Variants in ATAD2 observed in about 807,000 individuals in gnomAD.
ATAD2 encodes the protein ATPase family AAA domain-containing protein 2.
Under a neutral mutation model 168.9 loss-of-function variants are expected in ATAD2, and 62 were observed. The observed-to-expected ratio is 0.37, with a 90% CI of 0.30 to 0.45. The LOEUF is 0.45. ATAD2 is among the 20% of genes least tolerant of loss of function. The pLI, the probability that ATAD2 is intolerant of heterozygous loss-of-function variation, is 1.00. For missense variants in ATAD2, 1,419 were observed against 1,667.8 expected, an observed-to-expected ratio of 0.85 and a Z score of 2.60; for synonymous variants, 613 against 571.6, an observed-to-expected ratio of 1.07 and a Z score of -1.03.
chr8:123,359,796 C>T (rs951459416), intron 9 of ATAD2, 111 bp from the exon 10 acceptor site: 36 of 710,330 alleles, frequency 5.1e-5, no homozygotes, highest in South Asian at 2.1e-4. Flanking sequence ...AAATTTCAAC[C>T]GGAGCAATCT....
At chr8:123,389,028 G>A (rs1240733038) in intron 1 of ATAD2, among the ~76,000 whole-genome samples, 4 of 149,088 alleles carry the variant, frequency 2.7e-5, no homozygotes, top group Admixed American at 6.7e-5. Flanking sequence ...GTGCAGTGGC[G>A]CGATCTTGGC....
intron 2 of ATAD2, among the ~76,000 whole-genome samples, chr8:123,373,225 CG>C (rs369495632): frequency 2.7e-5 from 4 of 149,324 alleles, no homozygotes; most frequent in Non-Finnish European, 4.5e-5. Flanking sequence ...AGAGATGGGG[CG>C]GGGGGGGTCT....
chr8:123,347,279 T>C lies in ATAD2; in HGVS notation c.2025A>G (p.Ser675=). 1 of 1,614,084 alleles carries C rather than the reference T, an allele frequency of 6.2e-7. No homozygotes were observed. Among genetic ancestry groups the C allele is most frequent in the Non-Finnish European group, 8.5e-7 (1 of 1,180,024 alleles). ...LQLDLSSINI[S]AKDFEVAMQK... is the part of the protein sequence containing the mutation. ...GCATAGCTACCTCGAAATCCTTAGC[T>C]GAGATATTAATTGAAGAGAGATCCA... Residue 675 remains serine (S), a synonymous_variant, in exon 16 of 28, where the codon TCA becomes TCG. Transcript: ENST00000287394.
intron 1 of ATAD2, among the ~76,000 whole-genome samples, chr8:123,394,078 G>A (rs892088477): frequency 6.6e-6 from 1 of 151,038 alleles, no homozygotes; most frequent in Non-Finnish European, 1.5e-5. Flanking sequence ...AACAACCTAA[G>A]GTTTTTTTTC....
upstream of ATAD2, among the ~76,000 whole-genome samples, chr8:123,398,333 C>T (rs1812950002): frequency 6.8e-6 from 1 of 148,090 alleles, no homozygotes; most frequent in South Asian, 2.1e-4. Flanking sequence ...CGGGTTCAAG[C>T]GATTGTCCTG....
At chr8:123,412,549 C>T (rs1262906041) in intron 1 of ATAD2, among the ~76,000 whole-genome samples, 1 of 152,126 alleles carries the variant, frequency 6.6e-6, no homozygotes, top group Non-Finnish European at 1.5e-5. Context: ...TCTTTTGCTT[C>T]AGCCTCCTGG....
At chr8:123,350,874 G>C (rs1175200335) in intron 13 of ATAD2, among the ~76,000 whole-genome samples, 1 of 151,760 alleles carries the variant, frequency 6.6e-6, no homozygotes, top group East Asian at 1.9e-4. Flanking sequence ...ACAGGCGCCC[G>C]CTACCATGCC....
chr8:123,346,386 A>G (rs1828243275), intron 17 of ATAD2, 114 bp from the exon 18 acceptor site: 2 of 1,083,450 alleles, frequency 1.8e-6, no homozygotes, highest in East Asian at 5.4e-5. Context: ...AAGGCCAACC[A>G]ATCATAACAT....
At chr8:123,353,523 T>A (rs890548281) in intron 13 of ATAD2, among the ~76,000 whole-genome samples, 1 of 152,170 alleles carries the variant, frequency 6.6e-6, no homozygotes, top group African/African-American at 2.4e-5. Flanking sequence ...CAGTGAGAGA[T>A]CCCTCAAAAT....
rs770540331 is a variant in ATAD2, at chr8:123,346,112, T to C, written c.2506A>G (p.Thr836Ala). The C allele has an allele frequency of 8.9e-6, 14 of 1,576,402 alleles. No homozygotes were observed. The highest frequency in any genetic ancestry group is 1.2e-5 in the Non-Finnish European group (14 of 1,164,570). ...DIPVLFGVST[T>A]SPEETCAQVI... ...TGGGCACATGTTTCTTCAGGGGATG[T>C]AGTACTAACTCCAAAAAGAACAGGA... Residue 836 changes from threonine (T) to alanine (A), a missense_variant, in exon 18 of 28, where the codon ACA becomes GCA. Around this residue, in one of 5 missense-constraint regions of ATAD2, gnomAD observed 545 missense variants for 724.9 expected, o/e 0.75. Coordinates refer to ENST00000287394, the MANE Select transcript of ATAD2 (RefSeq NM_014109.4).
intron 1 of ATAD2, among the ~76,000 whole-genome samples, chr8:123,395,770 C>A (rs896526220): frequency 3.9e-5 from 6 of 152,126 alleles, no homozygotes; most frequent in African/African-American, 1.4e-4. Context: ...CCCCTCCCCC[C>A]CAACGTTTAT....
chr8:123,347,591 A>G (rs1828293103), intron 15 of ATAD2, among the ~76,000 whole-genome samples, 185 bp from the exon 16 acceptor site: 1 of 152,206 alleles, frequency 6.6e-6, no homozygotes, highest in Non-Finnish European at 1.5e-5. Context: ...AGTAATGGCC[A>G]TCAACAATCA....
rs1827847906 is a variant in ATAD2, at chr8:123,333,999, G to A, written c.3357C>T (p.Ala1119=). The change falls in exon 24 of 28, where the codon GCC becomes GCT. Residue 1119 remains alanine, a synonymous_variant. Transcript: ENST00000287394. The stretch of plus-strand genomic sequence containing the variant: ...TTGGCATCACATGGTAGTAAGACGG[G>A]GCATATTTGGAGGAGCTACAACCTT... ...KKRGCSSSKY[A]PSYYHVMPKQ... 3 of 1,613,844 alleles carry A rather than the reference G, an allele frequency of 1.9e-6. No individual in the cohort carries two copies. The highest frequency in any genetic ancestry group is 4.5e-5 in the East Asian group (2 of 44,870).
At chr8:123,355,472 T>A (rs1586878344) in intron 13 of ATAD2, among the ~76,000 whole-genome samples, 1 of 152,176 alleles carries the variant, frequency 6.6e-6, no homozygotes, top group African/African-American at 2.4e-5. Flanking sequence ...CAATAGCACT[T>A]GTAAAAGTGC....
intron 2 of ATAD2, 76 bp from the exon 3 acceptor site, chr8:123,372,762 T>C: frequency 8.1e-7 from 1 of 1,241,876 alleles, no homozygotes; most frequent in Non-Finnish European, 1.1e-6. Context: ...GGGATTGCAC[T>C]CCATCGTCCA....
intron 24 of ATAD2, among the ~76,000 whole-genome samples, chr8:123,333,359 G>A (rs1288002453): frequency 2.1e-5 from 3 of 142,146 alleles, no homozygotes; most frequent in Non-Finnish European, 4.5e-5. Flanking sequence ...GCAGTGAGCC[G>A]AGATCGCACC....
intron 20 of ATAD2, among the ~76,000 whole-genome samples, chr8:123,338,384 A>C (rs903489634): frequency 1.3e-5 from 2 of 152,046 alleles, no homozygotes; most frequent in Non-Finnish European, 2.9e-5. Flanking sequence ...ACAATTTAAG[A>C]GGCTATTAAA....
chr8:123,333,137 C>T (rs922251474), intron 24 of ATAD2, among the ~76,000 whole-genome samples: 3 of 148,942 alleles, frequency 2.0e-5, no homozygotes, highest in African/African-American at 7.5e-5. Flanking sequence ...GCCTGTAATC[C>T]CAACACTTTG....
At chr8:123,406,029 C>A (rs557916087) in intron 1 of ATAD2, among the ~76,000 whole-genome samples, 7 of 152,170 alleles carry the variant, frequency 4.6e-5, no homozygotes, top group African/African-American at 1.7e-4. Context: ...GAAACACAGA[C>A]AAAACTAACT....
Sources: allele counts gnomAD v4.1 joint callset (sites outside exome capture counted in the v4.1 genomes callset), GRCh38; gene constraint gnomAD v4.1.1; regional missense constraint gnomAD v4.1.1; transcripts MANE v1.5; gene names NCBI Gene and HGNC (gene_info 2026-07-23, HGNC 2026-07-21).